Variants in SEC31B observed in about 807,000 individuals in gnomAD.
The protein encoded by SEC31B is protein transport protein Sec31B.
In SEC31B, 113 loss-of-function variants were observed where a neutral mutation model predicts 135.0. That is an observed-to-expected ratio of 0.84 (90% CI 0.72 to 0.98). The LOEUF (loss-of-function observed/expected upper bound fraction) is 0.98, where lower values mean the gene tolerates loss of function less well. Ranked by LOEUF, SEC31B falls within the 50% of genes least tolerant of loss-of-function variation. The probability of loss-of-function intolerance (pLI) is 0.00; values close to 1 mark genes in which losing one functional copy is unlikely to be tolerated. For missense variants in SEC31B, 1,296 were observed against 1,421.1 expected (o/e 0.91, Z 1.42); for synonymous variants, 508 against 549.4 (o/e 0.92, Z 1.05).
intron 10 of SEC31B, among the ~76,000 whole-genome samples, chr10:100,504,749 T>C (rs555859952): frequency 9.2e-5 from 14 of 151,682 alleles, no homozygotes; most frequent in African/African-American, 1.7e-4. Context: ...AAGGAGGAGA[T>C]AGTATTTAAG....
chr10:100,487,592 TC>T lies in SEC31B; in HGVS notation c.*23del, dbSNP rs1851203765. ...GAGTTATGTAACAGCAGAAGTGGCC[TC>T]CTAGCAAGAGAGGCTGCCTGGTTTA... is the stretch of plus-strand genomic sequence containing the variant. On this transcript the variant is annotated 3_prime_UTR_variant, in exon 26 of 26. Transcript: ENST00000370345. 1 of 1,602,918 alleles carries T rather than the reference TC, an allele frequency of 6.2e-7. No homozygotes were observed. Among genetic ancestry groups the T allele is most frequent in the Non-Finnish European group, 8.5e-7 (1 of 1,173,486 alleles).
At chr10:100,511,164 C>T (rs1851730220) in intron 3 of SEC31B, among the ~76,000 whole-genome samples, 1 of 152,182 alleles carries the variant, frequency 6.6e-6, no homozygotes, top group African/African-American at 2.4e-5. Context: ...TTCAGTTTGC[C>T]ACATACAGGG....
intron 6 of SEC31B, 103 bp downstream of exon 6, chr10:100,507,805 G>T (rs1441210214): frequency 2.0e-6 from 3 of 1,513,082 alleles, no homozygotes; most frequent in South Asian, 1.2e-5. Context: ...CCACATGTCC[G>T]ACAGCTGAAA....
At chr10:100,495,588 A>G in intron 18 of SEC31B, 42 bp from the exon 19 acceptor site, 1 of 1,583,890 alleles carries the variant, frequency 6.3e-7, no homozygotes, top group South Asian at 1.1e-5. Context: ...AGAAATTAAA[A>G]CAATCAAGGC....
At position 100,498,157 on chromosome 10, in the gene SEC31B, C is replaced by A. The variant is rs1851448828; in HGVS notation, c.1735G>T (p.Ala579Ser). Residue 579 changes from alanine (A) to serine (S), a missense_variant, in exon 15 of 26, where the codon GCC (alanine) becomes TCC (serine). Physicochemically the swap from Ala to Ser is moderately conservative, Grantham distance 99. Coordinates refer to ENST00000370345, the MANE Select transcript of SEC31B (RefSeq NM_015490.4). ...QALLLGELGP[A>S]VELCLKEERF... Reference sequence around the variant, plus strand: ...TCCTCCTTCAGACACAGCTCCACGGCCGGACCCAGTTCCCCAAGCAGGAGA... The same window carrying A: ...TCCTCCTTCAGACACAGCTCCACGGACGGACCCAGTTCCCCAAGCAGGAGA... 1 of 1,614,196 alleles carries A rather than the reference C, an allele frequency of 6.2e-7. No homozygotes were observed. The highest frequency in any genetic ancestry group is 8.5e-7 in the Non-Finnish European group (1 of 1,180,046).
chr10:100,514,017 T>C lies in SEC31B; in HGVS notation c.203+2079A>G, dbSNP rs1424661764. ...CTGGCCAACATGGTGAAACCCCATC[T>C]TGACTAATAATACAAAAATTAGCTG... On this transcript the variant is annotated intron_variant, in intron 3 of 25. Coordinates refer to ENST00000370345, the MANE Select transcript of SEC31B (RefSeq NM_015490.4). Among the ~76,000 whole-genome samples the C allele has an allele frequency of 5.3e-5, 8 of 151,784 alleles. No individual in the cohort carries two copies. In the East Asian group the frequency reaches 7.9e-4, roughly 15 times the overall value.
chr10:100,515,944 T>C, intron 3 of SEC31B, 152 bp downstream of exon 3: 1 of 933,668 alleles, frequency 1.1e-6, no homozygotes, highest in Non-Finnish European at 1.6e-6. Flanking sequence ...TTAAATCCTT[T>C]TGCAAAATAA....
chr10:100,496,455 G>A (rs768967422), intron 17 of SEC31B, 24 bp from the exon 18 acceptor site: 2 of 1,612,798 alleles, frequency 1.2e-6, no homozygotes, highest in South Asian at 1.1e-5. Flanking sequence ...GATGAGGGTG[G>A]TAAGCCTTCA....
chr10:100,505,961 G>A (rs761428135), intron 9 of SEC31B, 79 bp downstream of exon 9: 92 of 1,591,422 alleles, frequency 5.8e-5, no homozygotes, highest in African/African-American at 1.2e-4. Context: ...CAATATCTCC[G>A]CTTCTCAAGC....
In SEC31B at chr10:100,509,476, C is replaced by A; in HGVS notation, c.239G>T (p.Gly80Val). The change falls in exon 4 of 26, where the codon GGG becomes GTG. Residue 80 changes from glycine (G) to valine (V), a missense_variant. By Grantham distance (109) the Gly-to-Val change is moderately radical. Coordinates refer to ENST00000370345, the MANE Select transcript of SEC31B (RefSeq NM_015490.4). ...AATAACCCCGGAGCTTTCCAGAAGC[C>A]CACTGCCAAAGCTCCCCCAGACCAG... ...HKLVWGSFGS[G>V]LLESSGVIVG... is the part of the protein sequence containing the mutation. 2 of 1,613,818 alleles carry A rather than the reference C, an allele frequency of 1.2e-6. No homozygotes were observed. The highest frequency in any genetic ancestry group is 1.7e-6 in the Non-Finnish European group (2 of 1,179,862).
At chr10:100,497,077 C>T in intron 17 of SEC31B, 58 bp downstream of exon 17, 6 of 1,591,680 alleles carry the variant, frequency 3.8e-6, no homozygotes, top group Non-Finnish European at 5.2e-6. Context: ...CACATCTCCA[C>T]CACTAGCCTC....
intron 10 of SEC31B, among the ~76,000 whole-genome samples, chr10:100,503,741 CTT>C (rs536397983): frequency 6.9e-6 from 1 of 145,330 alleles, no homozygotes; most frequent in Non-Finnish European, 1.5e-5. Context: ...TGGCCGACAA[CTT>C]TTTTTTTTTT....
intron 1 of SEC31B, among the ~76,000 whole-genome samples, chr10:100,519,468 C>T (rs946760869): frequency 1.3e-5 from 2 of 152,254 alleles, no homozygotes; most frequent in African/African-American, 4.8e-5. Context: ...CCAGCCCAAA[C>T]GCAGCGACAC....
intron 11 of SEC31B, chr10:100,500,195 T>G (rs575853124): frequency 2.0e-5 from 9 of 456,724 alleles, no homozygotes; most frequent in South Asian, 1.4e-4. Flanking sequence ...GCATGACTGC[T>G]GAAAGGGCTC....
chr10:100,493,859 G>T (rs1011238312), intron 19 of SEC31B, among the ~76,000 whole-genome samples: 2 of 152,106 alleles, frequency 1.3e-5, no homozygotes, highest in Admixed American at 1.3e-4. Context: ...GACACGGGGC[G>T]GGGTGTTGTT....
rs1371060976 is a variant in SEC31B, at chr10:100,507,325, G to C, written c.782+100C>G. 4.8e-6 allele frequency: 7 copies of C among 1,460,048 alleles called. No individual in the cohort carries two copies. In the African/African-American group the frequency reaches 5.5e-5, roughly 12 times the overall value. 90.4% of individuals were successfully genotyped at this position (1,460,048 alleles called of 1,614,324 possible). ...TGACCGGAATGGCTTTAAAGCCAGG[G>C]AGGATGTTTAGTAGCTAAAGTGAGG... On this transcript the variant is annotated intron_variant, in intron 7 of 25. Transcript: ENST00000370345.
At position 100,497,460 on chromosome 10, in the gene SEC31B, A is replaced by G. The variant is rs995948997; in HGVS notation, c.1991-180T>C. On this transcript the variant is annotated intron_variant, in intron 16 of 25. Coordinates refer to ENST00000370345, the MANE Select transcript of SEC31B (RefSeq NM_015490.4). ...TTCTCACATCATGGTGTGACAAGAC[A>G]AGGTAAAACAGGACAACAAAGGATC... 8 of 1,471,464 alleles carry G rather than the reference A, an allele frequency of 5.4e-6. No individual in the cohort carries two copies. The African/African-American group carries it at 9.9e-5, about 18-fold the overall frequency. The allele number at this position is 1,471,464 out of a possible 1,614,324, so 91.2% of individuals were successfully genotyped here.
At chr10:100,505,064 A>G (rs1418252705) in intron 10 of SEC31B, among the ~76,000 whole-genome samples, 1 of 152,134 alleles carries the variant, frequency 6.6e-6, no homozygotes, top group African/African-American at 2.4e-5. Context: ...CCAGACACGT[A>G]AGGGTTAGAG....
intron 19 of SEC31B, among the ~76,000 whole-genome samples, chr10:100,493,372 C>CAA (rs561941798): frequency 7.7e-6 from 1 of 130,284 alleles, no homozygotes; most frequent in Non-Finnish European, 1.7e-5. Context: ...GACTCCATCT[C>CAA]AAAAAAAAAA....
Sources: allele counts gnomAD v4.1 joint callset (sites outside exome capture counted in the v4.1 genomes callset), GRCh38; gene constraint gnomAD v4.1.1; transcripts MANE v1.5; gene names NCBI Gene and HGNC (gene_info 2026-07-23, HGNC 2026-07-21).